The following MPDZ variants were observed in gnomAD, a reference collection of about 807,000 sequenced individuals.
The protein encoded by MPDZ is multiple PDZ domain crumbs cell polarity complex component.
A neutral mutation model predicts 239.1 loss-of-function variants in MPDZ; 234 were observed. The observed-to-expected ratio is 0.98, with a 90% CI of 0.88 to 1.09. The LOEUF (loss-of-function observed/expected upper bound fraction) is 1.09. Ranked by LOEUF, MPDZ falls within the 50% of genes least tolerant of loss-of-function variation. MPDZ has a pLI of 0.00. For missense variants in MPDZ, 3,175 were observed against 2,510.0 expected (o/e 1.26, Z -5.66); for synonymous variants, 1,048 against 881.3 (o/e 1.19, Z -3.35).
intron 40 of MPDZ, among the ~76,000 whole-genome samples, 196 bp downstream of exon 40, chr9:13,115,052 A>G (rs571063728): frequency 6.6e-6 from 1 of 152,200 alleles, no homozygotes; most frequent in Non-Finnish European, 1.5e-5. Context: ...AATGACTTAC[A>G]AACTACTCAA....
intron 21 of MPDZ, among the ~76,000 whole-genome samples, chr9:13,173,786 G>A (rs901660774): frequency 6.6e-6 from 1 of 151,570 alleles, no homozygotes; most frequent in Admixed American, 6.6e-5. Context: ...TCTTACAAGA[G>A]CCTCCTAACT....
chr9:13,184,272 T>C (rs947248413), intron 18 of MPDZ, among the ~76,000 whole-genome samples: 1 of 152,010 alleles, frequency 6.6e-6, no homozygotes, highest in African/African-American at 2.4e-5. Flanking sequence ...TCAAGATTAA[T>C]ATTTAAATTA....
intron 10 of MPDZ, among the ~76,000 whole-genome samples, chr9:13,213,931 A>C (rs1194743691): frequency 6.6e-6 from 1 of 152,050 alleles, no homozygotes; most frequent in Non-Finnish European, 1.5e-5. Context: ...TTGTCAATAA[A>C]ATACTCATTT....
At position 13,272,024 on chromosome 9, in the gene MPDZ, G is replaced by A. The variant is rs147780414; in HGVS notation, c.-58+7376C>T. Among the ~76,000 whole-genome samples the A allele has an allele frequency of 2.1e-3, 316 of 152,214 alleles. 2 individuals carry two copies. Among genetic ancestry groups the A allele is most frequent in the Non-Finnish European group, 3.5e-3 (235 of 68,014 alleles). On this transcript the variant is annotated intron_variant, in intron 1 of 46. Transcript: ENST00000319217. ...AGGAAAGGACTACCAAGATGCATGA[G>A]GAAACTTTCGGGGGTGATGGATATG...
intron 38 of MPDZ, 114 bp from the exon 39 acceptor site, chr9:13,119,763 A>C: frequency 7.9e-7 from 1 of 1,269,782 alleles, no homozygotes; most frequent in Non-Finnish European, 1.1e-6. Context: ...TGACTTTAAA[A>C]GTTTTGTTAT....
chr9:13,196,011 G>C, intron 13 of MPDZ, 110 bp downstream of exon 13: 1 of 707,594 alleles, frequency 1.4e-6, no homozygotes, highest in Non-Finnish European at 2.2e-6. Context: ...AAAAAGGCCT[G>C]TACATTTGAT....
chr9:13,112,503 C>A (rs1942667143), intron 42 of MPDZ, among the ~76,000 whole-genome samples: 1 of 152,200 alleles, frequency 6.6e-6, no homozygotes, highest in Non-Finnish European at 1.5e-5. Context: ...AATAAGTCCA[C>A]TCCACTCAAT....
intron 39 of MPDZ, among the ~76,000 whole-genome samples, chr9:13,116,741 C>T (rs1423559917): frequency 6.6e-6 from 1 of 151,700 alleles, no homozygotes; most frequent in Non-Finnish European, 1.5e-5. Flanking sequence ...TTAATTTTTC[C>T]AATACAAAAG....
Position 13,192,179 on chromosome 9 carries a change from T to C in MPDZ, c.1920A>G (p.Gln640=). 8 of 1,611,070 alleles carry C rather than the reference T, an allele frequency of 5.0e-6. No individual in the cohort carries two copies. Among genetic ancestry groups the C allele is most frequent in the Non-Finnish European group, 5.9e-6 (7 of 1,178,578 alleles). The change falls in exon 15 of 47, where the codon CAA becomes CAG. Residue 640 remains glutamine, a synonymous_variant. Coordinates refer to ENST00000319217, the MANE Select transcript of MPDZ (RefSeq NM_001378778.1). ...CCRRTVPPTT[Q]SELDSLDLCD... ...ATAAGTCCAGGCTATCCAATTCTGA[T>C]TGGGTGGTGGGTGGCACAGTTCGAC...
At chr9:13,117,558 T>C (rs901834990) in intron 39 of MPDZ, among the ~76,000 whole-genome samples, 48 of 150,344 alleles carry the variant, frequency 3.2e-4, no homozygotes, top group South Asian at 8.4e-4. Context: ...GTCATGAACA[T>C]CCTTTCAAAC....
chr9:13,149,222 G>A (rs997207550), intron 25 of MPDZ, among the ~76,000 whole-genome samples: 50 of 151,868 alleles, frequency 3.3e-4, no homozygotes, highest in South Asian at 4.2e-4. Context: ...CCCTGTTTTC[G>A]CTCAGGTCCC....
At chr9:13,247,856 C>A (rs1966849875) in intron 2 of MPDZ, 55 bp from the exon 3 acceptor site, 10 of 1,450,358 alleles carry the variant, frequency 6.9e-6, no homozygotes, top group Non-Finnish European at 8.4e-6. Context: ...ACATGTCCAG[C>A]CTAAGAGGAC....
chr9:13,255,487 C>T (rs1018495535), intron 1 of MPDZ, among the ~76,000 whole-genome samples: 3 of 152,130 alleles, frequency 2.0e-5, no homozygotes, highest in African/African-American at 7.2e-5. Context: ...AGTACAGAAG[C>T]TATAACTTTA....
chr9:13,229,715 T>C (rs970083585), intron 3 of MPDZ, among the ~76,000 whole-genome samples: 6 of 151,908 alleles, frequency 3.9e-5, no homozygotes, highest in Non-Finnish European at 8.8e-5. Context: ...GCAGAAAGTA[T>C]TATAGTACAA....
chr9:13,217,499 A>G (rs1187444985), intron 8 of MPDZ, among the ~76,000 whole-genome samples: 1 of 151,898 alleles, frequency 6.6e-6, no homozygotes, highest in Non-Finnish European at 1.5e-5. Flanking sequence ...AAGGGATATC[A>G]GGCAGGAATA....
intron 38 of MPDZ, 84 bp from the exon 39 acceptor site, chr9:13,119,733 A>C: frequency 1.3e-6 from 2 of 1,535,834 alleles, no homozygotes; most frequent in South Asian, 1.1e-5. Flanking sequence ...GTTTTTACCC[A>C]AAATTTTTAC....
At chr9:13,196,510 T>A (rs1440941492) in intron 12 of MPDZ, among the ~76,000 whole-genome samples, 1 of 152,182 alleles carries the variant, frequency 6.6e-6, no homozygotes, top group African/African-American at 2.4e-5. Flanking sequence ...GAGTAAGGAC[T>A]CTGAGCAGTT....
chr9:13,110,067 GC>G lies in MPDZ; in HGVS notation c.5830-4del. On this transcript the variant is annotated splice_region_variant and splice_polypyrimidine_tract_variant and intron_variant, in intron 44 of 46. Transcript: ENST00000319217. Reference sequence around the variant, plus strand: ...CTCACGTCTCCTCCAGCAACCACCTGCGCACAGGAGGAGGATAAACAGAAAA... The same window carrying G: ...CTCACGTCTCCTCCAGCAACCACCTGGCACAGGAGGAGGATAAACAGAAAA... The G allele has an allele frequency of 2.5e-6, 4 of 1,609,462 alleles. No individual in the cohort carries two copies. Among genetic ancestry groups the G allele is most frequent in the Non-Finnish European group, 1.7e-6 (2 of 1,177,502 alleles).
intron 1 of MPDZ, chr9:13,274,725 C>T (rs1289530027): frequency 6.6e-6 from 1 of 151,652 alleles, no homozygotes; most frequent in Admixed American, 6.6e-5. Flanking sequence ...TTATGCCATA[C>T]ATTACCCCAC....
Sources: gnomAD v4.1 joint callset for allele counts (sites outside exome capture counted in the v4.1 genomes callset) on GRCh38, gnomAD v4.1.1 for gene constraint, MANE v1.5 for transcripts, NCBI Gene and HGNC (gene_info 2026-07-23, HGNC 2026-07-21) for gene names.